MFHAS1: variants seen among roughly 807,000 people sequenced by gnomAD.
MFHAS1 encodes the protein malignant fibrous histiocytoma-amplified sequence 1.
MFHAS1 carries 50 observed loss-of-function variants against 70.4 expected under a neutral mutation model. The observed-to-expected ratio is 0.71, with a 90% CI of 0.57 to 0.90. The LOEUF (loss-of-function observed/expected upper bound fraction) is 0.90, where lower values mean the gene tolerates loss of function less well. Among genes scored for constraint, MFHAS1 ranks in the 40% least tolerant of loss-of-function variants. The probability of loss-of-function intolerance (pLI) is 0.00; values close to 1 mark genes in which losing one functional copy is unlikely to be tolerated. For synonymous variants in MFHAS1, 952 were observed against 620.0 expected (o/e 1.54, Z -7.96); for missense variants, 1,795 against 1,347.6 (o/e 1.33, Z -5.20).
rs184518667 is a variant in MFHAS1, at chr8:8,822,874, G to T, written c.2999-25383C>A. On this transcript the variant is annotated intron_variant, in intron 1 of 2. Coordinates refer to ENST00000276282, the MANE Select transcript of MFHAS1 (RefSeq NM_004225.3). ...AGTCAGGGGGACTGAGACGGGCACA[G>T]GGACCAAGTCAGGGAAACTGAGAAG... Among the ~76,000 whole-genome samples, 424 of 152,270 alleles carry T rather than the reference G, an allele frequency of 2.8e-3. 2 individuals carry two copies. Among genetic ancestry groups the T allele is most frequent in the African/African-American group, 9.8e-3 (409 of 41,532 alleles).
At chr8:8,811,033 T>C (rs941929628) in intron 1 of MFHAS1, among the ~76,000 whole-genome samples, 8 of 152,086 alleles carry the variant, frequency 5.3e-5, no homozygotes, top group Non-Finnish European at 1.0e-4. Flanking sequence ...AACTTTCTCC[T>C]TTTGCTCATG....
chr8:8,861,560 T>G (rs191318578), intron 1 of MFHAS1, among the ~76,000 whole-genome samples: 2 of 152,332 alleles, frequency 1.3e-5, no homozygotes, highest in South Asian at 2.1e-4. Flanking sequence ...CAAAACTTAT[T>G]TTTTAAATTA....
At chr8:8,816,403 T>C (rs997272580) in intron 1 of MFHAS1, among the ~76,000 whole-genome samples, 1 of 152,034 alleles carries the variant, frequency 6.6e-6, no homozygotes, top group Admixed American at 6.5e-5. Flanking sequence ...GGCATGACCA[T>C]CCTCCCCAAG....
intron 1 of MFHAS1, among the ~76,000 whole-genome samples, chr8:8,873,494 CA>C (rs1809168861): frequency 8.1e-6 from 1 of 122,946 alleles, no homozygotes; most frequent in Non-Finnish European, 1.8e-5. Flanking sequence ...TTTTTTTTTA[CA>C]GGTCAAACAC....
chr8:8,796,688 C>CAAAAAAAA lies in MFHAS1; in HGVS notation c.3125+669_3125+676dup, dbSNP rs55756300. ...GACAGAGCAAGACTCCGTCTCAAAA[C>CAAAAAAAA]AAAAAAAAAAAAAAAGGCAAAAAAA... is the stretch of plus-strand genomic sequence containing the variant. On this transcript the variant is annotated intron_variant, in intron 2 of 2. Transcript: ENST00000276282. Among the ~76,000 whole-genome samples the CAAAAAAAA allele has an allele frequency of 1.3e-3, 32 of 24,754 alleles. 10 individuals are homozygous for CAAAAAAAA. Among genetic ancestry groups the CAAAAAAAA allele is most frequent in the East Asian group, 0.011 (4 of 360 alleles). The allele number at this position is 24,754 out of a possible 152,430, so 16.2% of individuals were successfully genotyped here. A position where few individuals can be genotyped will look rare whatever the true frequency, so the allele number is the denominator to read the frequency against.
chr8:8,820,919 A>T (rs1349212653), intron 1 of MFHAS1, among the ~76,000 whole-genome samples: 1 of 152,214 alleles, frequency 6.6e-6, no homozygotes, highest in Non-Finnish European at 1.5e-5. Flanking sequence ...TTTAATGAAG[A>T]AAAAATAGCA....
At chr8:8,846,917 C>T (rs1037719178) in intron 1 of MFHAS1, among the ~76,000 whole-genome samples, 2 of 152,148 alleles carry the variant, frequency 1.3e-5, no homozygotes, top group African/African-American at 2.4e-5. Flanking sequence ...CTTTGATACA[C>T]TGCATTCAAC....
intron 1 of MFHAS1, among the ~76,000 whole-genome samples, chr8:8,811,325 TGA>T (rs1806538844): frequency 2.6e-5 from 4 of 151,752 alleles, no homozygotes; most frequent in African/African-American, 9.7e-5. Context: ...TTTTTTTTTT[TGA>T]GATAGGGTCT....
At chr8:8,860,183 C>T (rs1385850191) in intron 1 of MFHAS1, among the ~76,000 whole-genome samples, 1 of 152,192 alleles carries the variant, frequency 6.6e-6, no homozygotes, top group Non-Finnish European at 1.5e-5. Flanking sequence ...TGAGATTCCA[C>T]AGAAAGAGCA....
intron 1 of MFHAS1, among the ~76,000 whole-genome samples, chr8:8,882,914 A>C (rs1219524347): frequency 1.3e-5 from 2 of 151,822 alleles, no homozygotes; most frequent in Non-Finnish European, 2.9e-5. Flanking sequence ...GCACTTTGGG[A>C]GGCCGAGGAG....
At chr8:8,786,316 T>C (rs1805540858) in intron 2 of MFHAS1, among the ~76,000 whole-genome samples, 1 of 152,216 alleles carries the variant, frequency 6.6e-6, no homozygotes, top group Admixed American at 6.5e-5. Context: ...CTGTACTAAC[T>C]GGCTGTCATC....
chr8:8,812,183 G>A (rs1371649817), intron 1 of MFHAS1, among the ~76,000 whole-genome samples: 2 of 152,044 alleles, frequency 1.3e-5, no homozygotes, highest in Non-Finnish European at 2.9e-5. Flanking sequence ...TAAGTGTAGT[G>A]CAAAATGTCC....
intron 1 of MFHAS1, among the ~76,000 whole-genome samples, chr8:8,859,706 G>T (rs1050679822): frequency 2.0e-5 from 3 of 152,046 alleles, no homozygotes; most frequent in Non-Finnish European, 4.4e-5. Flanking sequence ...TTACTATATT[G>T]TAAGAATATA....
At chr8:8,842,958 T>G (rs1448768990) in intron 1 of MFHAS1, among the ~76,000 whole-genome samples, 1 of 152,198 alleles carries the variant, frequency 6.6e-6, no homozygotes, top group Non-Finnish European at 1.5e-5. Context: ...GAGTAGTATC[T>G]GGTTAGCATC....
At chr8:8,793,801 C>G (rs148935842) in intron 2 of MFHAS1, among the ~76,000 whole-genome samples, 1 of 152,214 alleles carries the variant, frequency 6.6e-6, no homozygotes, top group African/African-American at 2.4e-5. Flanking sequence ...CGTGTACACA[C>G]GTTAGACTCA....
intron 1 of MFHAS1, among the ~76,000 whole-genome samples, chr8:8,852,156 A>G (rs1246143123): frequency 6.6e-6 from 1 of 152,152 alleles, no homozygotes; most frequent in Admixed American, 6.5e-5. Context: ...CAAGCAAGGT[A>G]TAAATGTCAT....
At chr8:8,853,524 G>A (rs977439899) in intron 1 of MFHAS1, among the ~76,000 whole-genome samples, 2 of 149,008 alleles carry the variant, frequency 1.3e-5, no homozygotes, top group South Asian at 2.1e-4. Flanking sequence ...TGCCTGGCAC[G>A]TACAAGGCAA....
At chr8:8,811,712 A>C (rs1405524961) in intron 1 of MFHAS1, among the ~76,000 whole-genome samples, 1 of 152,264 alleles carries the variant, frequency 6.6e-6, no homozygotes, top group Admixed American at 6.5e-5. Flanking sequence ...CCAAGCATCC[A>C]GAACAATGTC....
At chr8:8,804,263 C>G (rs992461508) in intron 1 of MFHAS1, among the ~76,000 whole-genome samples, 5 of 152,162 alleles carry the variant, frequency 3.3e-5, no homozygotes, top group African/African-American at 1.2e-4. Context: ...GCACACATCT[C>G]TGCAACTCTT....
Sources: allele counts gnomAD v4.1 joint callset (sites outside exome capture counted in the v4.1 genomes callset), GRCh38; gene constraint gnomAD v4.1.1; transcripts MANE v1.5; gene names NCBI Gene and HGNC (gene_info 2026-07-23, HGNC 2026-07-21).